NCKAP5: variants seen among roughly 807,000 people sequenced by gnomAD.
NCKAP5 encodes the protein nck-associated protein 5.
In NCKAP5, 92 loss-of-function variants were observed where a neutral mutation model predicts 167.0. The observed-to-expected ratio is 0.55, with a 90% CI of 0.47 to 0.66. The LOEUF is 0.66. NCKAP5 is among the 30% of genes least tolerant of loss of function. The pLI is 0.00. For synonymous variants in NCKAP5, 891 were observed against 877.4 expected (o/e 1.02, Z -0.27); for missense variants, 2,378 against 2,315.0 (o/e 1.03, Z -0.56).
At chr2:133,489,776 C>A (rs1451461664) in intron 3 of NCKAP5, among the ~76,000 whole-genome samples, 2 of 152,180 alleles carry the variant, frequency 1.3e-5, no homozygotes, top group Non-Finnish European at 2.9e-5. Flanking sequence ...ATGCCCAAGG[C>A]CCTGGACATT....
intron 5 of NCKAP5, among the ~76,000 whole-genome samples, chr2:133,177,161 T>G (rs1363734712): frequency 2.1e-5 from 1 of 46,566 alleles, no homozygotes; most frequent in Non-Finnish European, 4.0e-5. Flanking sequence ...GAGGTTTTGT[T>G]TTCTATATAT....
the NCKAP5 span, among the ~76,000 whole-genome samples, chr2:133,645,271 G>A: frequency 6.6e-6 from 1 of 152,120 alleles, no homozygotes; most frequent in Non-Finnish European, 1.5e-5. Flanking sequence ...TTGTAAATAA[G>A]TTAAACTCCT....
chr2:133,006,654 T>C (rs1243135522), intron 6 of NCKAP5, among the ~76,000 whole-genome samples: 1 of 152,002 alleles, frequency 6.6e-6, no homozygotes, highest in Non-Finnish European at 1.5e-5. Flanking sequence ...GTTTAGTCAT[T>C]AAAGCTTGGA....
chr2:133,463,068 C>T (rs545745024), intron 3 of NCKAP5, among the ~76,000 whole-genome samples: 39 of 152,204 alleles, frequency 2.6e-4, no homozygotes, highest in African/African-American at 9.1e-4. Context: ...TTATTGCTCC[C>T]CTGCTTGGCT....
At chr2:133,648,958 G>A in the NCKAP5 span, among the ~76,000 whole-genome samples, 19 of 151,264 alleles carry the variant, frequency 1.3e-4, 1 homozygote, top group African/African-American at 4.6e-4. Flanking sequence ...AAAACTAACA[G>A]TTATGTTTTG....
At chr2:133,137,587 C>G (rs2082841065) in intron 5 of NCKAP5, among the ~76,000 whole-genome samples, 1 of 152,032 alleles carries the variant, frequency 6.6e-6, no homozygotes, top group African/African-American at 2.4e-5. Flanking sequence ...CAATGCTAGA[C>G]AGGAGCTCTA....
chr2:133,265,339 A>G (rs2150385203), intron 4 of NCKAP5, among the ~76,000 whole-genome samples: 1 of 152,232 alleles, frequency 6.6e-6, no homozygotes, highest in South Asian at 2.1e-4. Context: ...TTGCTGGCTC[A>G]GCACTTAACC....
chr2:132,686,814 A>G (rs2105089541), intron 19 of NCKAP5, among the ~76,000 whole-genome samples: 1 of 152,316 alleles, frequency 6.6e-6, no homozygotes, highest in East Asian at 1.9e-4. Context: ...TAGAAAGCGG[A>G]GATAATAACT....
chr2:132,861,770 C>T (rs1260808289), intron 10 of NCKAP5, among the ~76,000 whole-genome samples: 8 of 152,294 alleles, frequency 5.3e-5, no homozygotes, highest in East Asian at 3.9e-4. Flanking sequence ...TCCTTTGTGA[C>T]GGTTAGCATA....
chr2:133,349,582 T>C (rs1025984072), intron 3 of NCKAP5, among the ~76,000 whole-genome samples: 2 of 152,254 alleles, frequency 1.3e-5, no homozygotes, highest in African/African-American at 4.8e-5. Flanking sequence ...TGTGAGTTGG[T>C]GCCATTAGCT....
intron 16 of NCKAP5, among the ~76,000 whole-genome samples, chr2:132,744,967 A>C (rs1281180028): frequency 6.6e-6 from 1 of 151,890 alleles, no homozygotes; most frequent in Non-Finnish European, 1.5e-5. Context: ...ATTTGGAATT[A>C]AAAATATTTT....
intron 6 of NCKAP5, among the ~76,000 whole-genome samples, chr2:133,008,104 A>C (rs1480665740): frequency 6.6e-6 from 1 of 152,098 alleles, no homozygotes; most frequent in Non-Finnish European, 1.5e-5. Flanking sequence ...CTAACTTTTC[A>C]ATTGTGTCCA....
At chr2:133,395,449 C>A (rs563981568) in intron 3 of NCKAP5, among the ~76,000 whole-genome samples, 1 of 152,156 alleles carries the variant, frequency 6.6e-6, no homozygotes, top group Non-Finnish European at 1.5e-5. Context: ...GGTTACCACT[C>A]GGCCTTAACA....
At chr2:133,620,970 C>G in the NCKAP5 span, among the ~76,000 whole-genome samples, 1 of 151,992 alleles carries the variant, frequency 6.6e-6, no homozygotes, top group East Asian at 1.9e-4. Context: ...CAAAAGGAAC[C>G]CTCAAAACCA....
At chr2:133,557,273 C>T (rs116469780) in intron 2 of NCKAP5, among the ~76,000 whole-genome samples, 1 of 152,266 alleles carries the variant, frequency 6.6e-6, no homozygotes, top group South Asian at 2.1e-4. Flanking sequence ...TTGGTTGGTA[C>T]ACAGTTTGCT....
Position 132,785,597 on chromosome 2 carries a change from A to T in NCKAP5, c.1214T>A (p.Leu405Gln), listed in dbSNP as rs762169644. The change falls in exon 14 of 20, where the codon CTA (leucine) becomes CAA (glutamine). Residue 405 changes from leucine to glutamine, a missense_variant. By Grantham distance (113) the Leu-to-Gln change is moderately radical. Transcript: ENST00000409261. ...RIKESHILEG[L>Q]RKLQKRKVLL... ...CACTTTTCGCTTCTGTAGCTTTCTT[A>T]GCCCTTCCAAAATGTGGCTTTCCTT... The T allele has an allele frequency of 1.3e-6, 2 of 1,579,614 alleles. No homozygotes were observed. The highest frequency in any genetic ancestry group is 1.7e-6 in the Non-Finnish European group (2 of 1,165,300).
intron 6 of NCKAP5, among the ~76,000 whole-genome samples, chr2:133,105,425 G>A (rs1387501785): frequency 6.6e-6 from 1 of 152,202 alleles, no homozygotes; most frequent in Non-Finnish European, 1.5e-5. Flanking sequence ...TCATCTATAA[G>A]AGAATAAAAT....
chr2:133,236,070 CA>C (rs527705526), intron 4 of NCKAP5, among the ~76,000 whole-genome samples: 89 of 15,664 alleles, frequency 5.7e-3, no homozygotes, highest in East Asian at 0.01. Context: ...TGTCTCAGAC[CA>C]AAAAAAAAAA....
the NCKAP5 span, among the ~76,000 whole-genome samples, chr2:133,624,095 CA>C: frequency 6.6e-6 from 1 of 151,730 alleles, no homozygotes; most frequent in East Asian, 1.9e-4. Context: ...GACGCAAAGG[CA>C]TAAGAATGAT....
Sources: allele counts gnomAD v4.1 joint callset (sites outside exome capture counted in the v4.1 genomes callset), GRCh38; gene constraint gnomAD v4.1.1; transcripts MANE v1.5; gene names NCBI Gene and HGNC (gene_info 2026-07-23, HGNC 2026-07-21).